Variants in STK32A observed in about 807,000 individuals in gnomAD.
STK32A encodes serine/threonine-protein kinase 32A.
Under a neutral mutation model 53.2 loss-of-function variants are expected in STK32A, and 41 were observed. That is an observed-to-expected ratio of 0.77 (90% CI 0.60 to 1.00). STK32A has a LOEUF of 1.00. STK32A is among the 50% of genes least tolerant of loss of function. STK32A has a pLI of 0.00. For missense variants in STK32A, 458 were observed against 485.8 expected (o/e 0.94, Z 0.54); for synonymous variants, 166 against 162.8 (o/e 1.02, Z -0.15).
rs142847507 is a variant in STK32A, at chr5:147,328,230, G to A, written c.434+4159G>A. Among the ~76,000 whole-genome samples the A allele has an allele frequency of 1.4e-4, 21 of 152,154 alleles. No homozygotes were observed. The East Asian group carries it at 4.1e-3, about 30-fold the overall frequency. On this transcript the variant is annotated intron_variant, in intron 5 of 12. Transcript: ENST00000397936. ...TCACTTGTTTCCCTGTGTTAACATA[G>A]AAGGGGGTCTTTTTAAAATTTTGTT...
intron 4 of STK32A, among the ~76,000 whole-genome samples, chr5:147,311,179 G>A (rs1412548494): frequency 2.0e-5 from 3 of 152,064 alleles, no homozygotes; most frequent in Non-Finnish European, 4.4e-5. Flanking sequence ...TCAAACTTGG[G>A]TCCTTCTGTT....
chr5:147,373,089 G>A lies in STK32A; in HGVS notation c.778-80G>A. The stretch of plus-strand genomic sequence containing the variant: ...TTTTCCTTCAGTCCTACAGTTGAAA[G>A]CATTTAGAGGGAATTTGTATGATTT... On this transcript the variant is annotated intron_variant, in intron 9 of 12. Coordinates refer to ENST00000397936, the MANE Select transcript of STK32A (RefSeq NM_001112724.2). The A allele has an allele frequency of 3.8e-6, 6 of 1,566,902 alleles. 1 individual carries two copies. The highest frequency in any genetic ancestry group is 3.5e-5 in the South Asian group (3 of 86,368).
intron 7 of STK32A, among the ~76,000 whole-genome samples, chr5:147,361,136 T>C (rs1334783631): frequency 6.6e-6 from 1 of 152,232 alleles, no homozygotes; most frequent in Non-Finnish European, 1.5e-5. Flanking sequence ...GCGACTGTTA[T>C]AGAAATTTAG....
At chr5:147,394,210 T>A in the STK32A span, 1 of 1,371,262 alleles carries the variant, frequency 7.3e-7, no homozygotes, top group Admixed American at 1.8e-5. Context: ...TGGGTTAATT[T>A]TAAGAGTGCA....
intron 1 of STK32A, among the ~76,000 whole-genome samples, chr5:147,239,073 G>T (rs1753452818): frequency 6.6e-6 from 1 of 152,156 alleles, no homozygotes; most frequent in South Asian, 2.1e-4. Context: ...TCAGCAATTT[G>T]CTGGTGTGGT....
At chr5:147,373,750 G>A (rs1442281391) in intron 10 of STK32A, among the ~76,000 whole-genome samples, 1 of 152,090 alleles carries the variant, frequency 6.6e-6, no homozygotes, top group Admixed American at 6.6e-5. Flanking sequence ...TGTTTGTTCT[G>A]TCTCAGGGAT....
At chr5:147,270,329 T>C (rs4235724) in intron 2 of STK32A, among the ~76,000 whole-genome samples, 89,218 of 151,620 alleles carry the variant, frequency 0.59, 26,616 homozygotes, top group African/African-American at 0.67. Flanking sequence ...CCTCCCATCT[T>C]AGCCTCCCAA....
chr5:147,347,789 G>A (rs780116760), intron 6 of STK32A, among the ~76,000 whole-genome samples: 3 of 152,150 alleles, frequency 2.0e-5, no homozygotes, highest in South Asian at 2.1e-4. Context: ...AACACAGAAG[G>A]GAACCTGGCA....
intron 6 of STK32A, among the ~76,000 whole-genome samples, chr5:147,345,824 A>G (rs1755657706): frequency 6.6e-6 from 1 of 152,012 alleles, no homozygotes; most frequent in African/African-American, 2.4e-5. Flanking sequence ...TTTCATTCTC[A>G]AGGCTTTTTA....
At chr5:147,249,692 C>T (rs111994063) in intron 2 of STK32A, among the ~76,000 whole-genome samples, 3 of 151,796 alleles carry the variant, frequency 2.0e-5, no homozygotes, top group Admixed American at 6.6e-5. Flanking sequence ...GGGGGTGGAT[C>T]GCCTGAGGTC....
chr5:147,286,287 G>C (rs932625111), intron 4 of STK32A, among the ~76,000 whole-genome samples: 2 of 151,896 alleles, frequency 1.3e-5, no homozygotes, highest in African/African-American at 2.4e-5. Context: ...AGAGTGGGAG[G>C]GGGGCGAGGG....
chr5:147,341,102 C>T (rs1214303866), intron 5 of STK32A, among the ~76,000 whole-genome samples: 2 of 152,146 alleles, frequency 1.3e-5, no homozygotes, highest in Non-Finnish European at 2.9e-5. Context: ...TAATTTCTCC[C>T]AGTAAGTCCT....
At chr5:147,289,202 T>G (rs1752486789) in intron 4 of STK32A, among the ~76,000 whole-genome samples, 1 of 152,144 alleles carries the variant, frequency 6.6e-6, no homozygotes, top group Non-Finnish European at 1.5e-5. Context: ...TAAACAAACA[T>G]CAAGACTCCC....
downstream of STK32A, among the ~76,000 whole-genome samples, chr5:147,388,619 C>T (rs1757729598): frequency 6.6e-6 from 1 of 152,198 alleles, no homozygotes; most frequent in Non-Finnish European, 1.5e-5. Context: ...TATCCCCCAT[C>T]TCCTGCTCAT....
chr5:147,332,348 C>CT (rs34110422), intron 5 of STK32A, among the ~76,000 whole-genome samples: 278 of 140,766 alleles, frequency 2.0e-3, no homozygotes, highest in East Asian at 5.5e-3. Flanking sequence ...TATCTGTAGG[C>CT]TTTTTTTTTT....
intron 1 of STK32A, among the ~76,000 whole-genome samples, chr5:147,235,418 A>T (rs1285523484): frequency 1.3e-5 from 2 of 152,226 alleles, no homozygotes; most frequent in East Asian, 1.9e-4. Flanking sequence ...ACAGACTTCA[A>T]TAAATATTTG....
At chr5:147,369,781 T>C (rs369572713) in intron 8 of STK32A, among the ~76,000 whole-genome samples, 2 of 152,174 alleles carry the variant, frequency 1.3e-5, no homozygotes, top group South Asian at 2.1e-4. Flanking sequence ...TAATCGAATA[T>C]GGAAATTTTG....
intron 7 of STK32A, among the ~76,000 whole-genome samples, chr5:147,353,842 T>C (rs1157654611): frequency 6.6e-6 from 1 of 152,190 alleles, no homozygotes; most frequent in East Asian, 1.9e-4. Flanking sequence ...GCAGGTGATG[T>C]GGTGATGTTG....
chr5:147,291,477 C>A (rs1351795860), intron 4 of STK32A, among the ~76,000 whole-genome samples: 1 of 151,568 alleles, frequency 6.6e-6, no homozygotes, highest in Non-Finnish European at 1.5e-5. Flanking sequence ...GAATACCATG[C>A]AGTTAGTTTT....
Sources: allele counts gnomAD v4.1 joint callset (sites outside exome capture counted in the v4.1 genomes callset), GRCh38; gene constraint gnomAD v4.1.1; transcripts MANE v1.5; gene names NCBI Gene and HGNC (gene_info 2026-07-23, HGNC 2026-07-21).